The following MSRB3 variants were observed in gnomAD, a reference collection of about 807,000 sequenced individuals.
MSRB3 encodes the protein methionine-R-sulfoxide reductase B3.
MSRB3 carries 13 observed loss-of-function variants against 21.0 expected under a neutral mutation model. The observed-to-expected ratio is 0.62, with a 90% CI of 0.40 to 0.98. The LOEUF (loss-of-function observed/expected upper bound fraction) is 0.98. Ranked by LOEUF, MSRB3 falls within the 50% of genes least tolerant of loss-of-function variation. The pLI is 0.00. For missense variants in MSRB3, 199 were observed against 230.3 expected (o/e 0.86, Z 0.88); for synonymous variants, 87 against 88.6 (o/e 0.98, Z 0.10).
At position 65,427,266 on chromosome 12, in the gene MSRB3, G is replaced by C. The variant is rs192526212; in HGVS notation, c.293-26462G>C. On this transcript the variant is annotated intron_variant, in intron 5 of 6. Transcript: ENST00000308259. ...ATGTAGCAATTCTAGCACCAGTGAA[G>C]GTGCAGCTGTGTATGTCTCTGCAGC... Among the ~76,000 whole-genome samples, 7 of 152,262 alleles carry C rather than the reference G, an allele frequency of 4.6e-5. No individual in the cohort carries two copies. In the East Asian group the frequency reaches 1.4e-3, roughly 29 times the overall value.
intron 5 of MSRB3, among the ~76,000 whole-genome samples, chr12:65,424,751 T>A (rs2136651119): frequency 6.6e-6 from 1 of 151,760 alleles, no homozygotes; most frequent in African/African-American, 2.4e-5. Flanking sequence ...TGGAGAATGT[T>A]CCGCTTGTGC....
intron 4 of MSRB3, among the ~76,000 whole-genome samples, chr12:65,331,377 C>T (rs545890839): frequency 6.6e-6 from 1 of 152,244 alleles, no homozygotes; most frequent in South Asian, 2.1e-4. Flanking sequence ...CTCCTAGGAA[C>T]TGAGATAGAT....
At chr12:65,439,816 C>T (rs1430116304) in intron 5 of MSRB3, among the ~76,000 whole-genome samples, 3 of 151,126 alleles carry the variant, frequency 2.0e-5, no homozygotes, top group East Asian at 1.9e-4. Context: ...ATAAGTGAAT[C>T]CAAAGATGGT....
intron 4 of MSRB3, among the ~76,000 whole-genome samples, chr12:65,346,553 G>T (rs995733620): frequency 2.0e-5 from 3 of 152,092 alleles, no homozygotes; most frequent in African/African-American, 7.2e-5. Context: ...CACTCTGATG[G>T]TAGTTTCTTT....
chr12:65,283,452 A>G (rs1217924796), intron 1 of MSRB3, among the ~76,000 whole-genome samples: 1 of 148,452 alleles, frequency 6.7e-6, no homozygotes, highest in Non-Finnish European at 1.5e-5. Context: ...TTTTTTTGAG[A>G]TAGGATCTCA....
At chr12:65,288,903 TATAAG>T (rs1378570377) in intron 1 of MSRB3, among the ~76,000 whole-genome samples, 1 of 152,198 alleles carries the variant, frequency 6.6e-6, no homozygotes, top group Non-Finnish European at 1.5e-5. Flanking sequence ...AAAATTCACT[TATAAG>T]ATTTGTCCTT....
chr12:65,332,723 G>A (rs905711178), intron 4 of MSRB3, among the ~76,000 whole-genome samples: 1 of 152,130 alleles, frequency 6.6e-6, no homozygotes, highest in African/African-American at 2.4e-5. Flanking sequence ...GCATATACGA[G>A]CATAATCCTC....
At chr12:65,447,729 G>GA (rs1370594007) in intron 5 of MSRB3, among the ~76,000 whole-genome samples, 1 of 152,200 alleles carries the variant, frequency 6.6e-6, no homozygotes, top group Admixed American at 6.5e-5. Context: ...GTTAGAGAAA[G>GA]ATGGGGAGAA....
intron 6 of MSRB3, among the ~76,000 whole-genome samples, chr12:65,455,553 A>G (rs1209031446): frequency 1.3e-5 from 2 of 152,174 alleles, no homozygotes; most frequent in Non-Finnish European, 2.9e-5. Flanking sequence ...GAGGAAACTG[A>G]GGCACAAAGA....
At chr12:65,358,278 C>T (rs1406422247) in intron 4 of MSRB3, among the ~76,000 whole-genome samples, 1 of 151,612 alleles carries the variant, frequency 6.6e-6, no homozygotes, top group Admixed American at 6.6e-5. Flanking sequence ...GCACCATGCC[C>T]AGCTAATTTT....
intron 2 of MSRB3, chr12:65,315,946 A>G (rs574402174): frequency 3.7e-4 from 56 of 152,308 alleles, no homozygotes; most frequent in African/African-American, 1.0e-3. Context: ...GTTTTGTTGC[A>G]GAAATACATG....
At chr12:65,308,203 C>T (rs752573396) in intron 1 of MSRB3, among the ~76,000 whole-genome samples, 4 of 152,160 alleles carry the variant, frequency 2.6e-5, no homozygotes, top group Non-Finnish European at 5.9e-5. Flanking sequence ...ATATTAGGCT[C>T]CAGACAGTTC....
At chr12:65,325,498 C>T (rs934270134) in intron 2 of MSRB3, among the ~76,000 whole-genome samples, 5 of 151,972 alleles carry the variant, frequency 3.3e-5, no homozygotes, top group African/African-American at 7.3e-5. Flanking sequence ...GAGAATCAAC[C>T]GCTCTATCTT....
At chr12:65,420,093 G>T in intron 5 of MSRB3, 2 of 451,342 alleles carry the variant, frequency 4.4e-6, no homozygotes, top group Admixed American at 2.6e-5. Flanking sequence ...TGTATGGTGT[G>T]AGATGAGGCT....
At chr12:65,440,663 A>G (rs1394546658) in intron 5 of MSRB3, among the ~76,000 whole-genome samples, 1 of 151,914 alleles carries the variant, frequency 6.6e-6, no homozygotes, top group Non-Finnish European at 1.5e-5. Flanking sequence ...TGTGCCACCC[A>G]ACAGAGATTT....
chr12:65,366,200 C>A (rs1878003727), intron 4 of MSRB3, among the ~76,000 whole-genome samples: 1 of 152,172 alleles, frequency 6.6e-6, no homozygotes, highest in African/African-American at 2.4e-5. Context: ...GGGGCCCCTG[C>A]TTTCTATGCC....
chr12:65,436,675 A>G (rs569903316), intron 5 of MSRB3, among the ~76,000 whole-genome samples: 33 of 151,936 alleles, frequency 2.2e-4, no homozygotes, highest in Non-Finnish European at 4.6e-4. Context: ...AAAATTTACA[A>G]AAATCATTAA....
At position 65,466,682 on chromosome 12, in the gene MSRB3, G is replaced by A. The variant is rs1438665501; in HGVS notation, c.*3360G>A. 6.6e-5 allele frequency: 10 copies of A among 152,182 alleles called. No individual in the cohort carries two copies. The highest frequency in any genetic ancestry group is 2.1e-4 in the South Asian group (1 of 4,818). The allele number at this position is 152,182 out of a possible 1,614,324, so 9.4% of individuals were successfully genotyped here. ...GACGTAGCAATTTGAAAACTTCTCCGTATTACTTGTGTTTAAAATGTCTTG... is the reference window on the plus strand; with the variant it reads ...GACGTAGCAATTTGAAAACTTCTCCATATTACTTGTGTTTAAAATGTCTTG... On this transcript the variant is annotated 3_prime_UTR_variant, in exon 7 of 7. Transcript: ENST00000308259.
At chr12:65,332,868 A>G (rs1875520435) in intron 4 of MSRB3, among the ~76,000 whole-genome samples, 1 of 152,212 alleles carries the variant, frequency 6.6e-6, no homozygotes, top group African/African-American at 2.4e-5. Flanking sequence ...ACTGCTTACC[A>G]AGTACAAGAA....
Sources: gnomAD v4.1 joint callset for allele counts (sites outside exome capture counted in the v4.1 genomes callset) on GRCh38, gnomAD v4.1.1 for gene constraint, MANE v1.5 for transcripts, NCBI Gene and HGNC (gene_info 2026-07-23, HGNC 2026-07-21) for gene names.